The following APBB2 variants were observed in gnomAD, a reference collection of about 807,000 sequenced individuals.
APBB2 encodes Fe65-like 1.
Under a neutral mutation model 82.5 loss-of-function variants are expected in APBB2, and 38 were observed. The ratio of observed to expected loss-of-function variants is 0.46; its 90% confidence interval spans 0.36 to 0.60. APBB2 has a LOEUF of 0.60. Among genes scored for constraint, APBB2 ranks in the 20% least tolerant of loss-of-function variants. The pLI is 0.00. For missense variants in APBB2, 772 were observed against 972.3 expected (o/e 0.79, Z 2.74); for synonymous variants, 341 against 368.2 (o/e 0.93, Z 0.85).
At chr4:40,985,004 C>T (rs1215300113) in intron 6 of APBB2, among the ~76,000 whole-genome samples, 1 of 152,042 alleles carries the variant, frequency 6.6e-6, no homozygotes, top group Non-Finnish European at 1.5e-5. Context: ...TCACTGCAGC[C>T]TCAACCTCGT....
intron 6 of APBB2, among the ~76,000 whole-genome samples, chr4:40,963,540 G>A (rs1447010749): frequency 6.6e-6 from 1 of 152,188 alleles, no homozygotes; most frequent in African/African-American, 2.4e-5. Context: ...GGGCCACCGC[G>A]CCCAGCCTCT....
At chr4:41,171,371 T>C (rs749049081) in intron 1 of APBB2, among the ~76,000 whole-genome samples, 16 of 145,366 alleles carry the variant, frequency 1.1e-4, no homozygotes, top group Middle Eastern at 6.9e-3. Flanking sequence ...TTTTGTTCCA[T>C]AGCTTCCTTG....
intron 1 of APBB2, among the ~76,000 whole-genome samples, chr4:41,188,246 G>T (rs1200179620): frequency 6.6e-6 from 1 of 152,176 alleles, no homozygotes; most frequent in African/African-American, 2.4e-5. Flanking sequence ...AAAGAAAACA[G>T]GTTCCAGAGA....
intron 4 of APBB2, among the ~76,000 whole-genome samples, chr4:41,046,592 T>A (rs929158277): frequency 7.0e-6 from 1 of 142,062 alleles, no homozygotes; most frequent in Non-Finnish European, 1.6e-5. Flanking sequence ...TCTTCTCCAG[T>A]TTAAAAAAAA....
At chr4:40,926,223 G>A (rs12506307) in intron 10 of APBB2, among the ~76,000 whole-genome samples, 65,363 of 152,090 alleles carry the variant, frequency 0.43, 14,657 homozygotes, top group South Asian at 0.6. Flanking sequence ...GGCAGTATTG[G>A]TATCACCTGC....
Position 40,825,976 on chromosome 4 carries a change from G to A in APBB2, c.1733-6C>T. ...CTTTGGTGTTGGAAAATCTACTACA[G>A]GGAACAAAAGCAACACATCTTTCTC... On this transcript the variant is annotated splice_region_variant and splice_polypyrimidine_tract_variant and intron_variant, in intron 14 of 17. Transcript: ENST00000508593. The A allele has an allele frequency of 6.2e-7, 1 of 1,611,658 alleles. No individual in the cohort carries two copies. The highest frequency in any genetic ancestry group is 8.5e-7 in the Non-Finnish European group (1 of 1,177,838).
chr4:40,824,320 A>C lies in APBB2; in HGVS notation c.1817-561T>G, dbSNP rs546340836. 3.1e-4 allele frequency among the ~76,000 whole-genome samples: 47 copies of C among 152,208 alleles called. 1 individual carries two copies. In the East Asian group the frequency reaches 7.1e-3, roughly 23 times the overall value. On this transcript the variant is annotated intron_variant, in intron 15 of 17. Transcript: ENST00000508593. ...CACTGTCTCTTGATGGCACCTTTACAGTGGATCCCCCCATTGAGTAGGGCC... is the reference window on the plus strand; with the variant it reads ...CACTGTCTCTTGATGGCACCTTTACCGTGGATCCCCCCATTGAGTAGGGCC...
At chr4:40,854,993 C>T (rs1760716960) in intron 12 of APBB2, among the ~76,000 whole-genome samples, 1 of 152,126 alleles carries the variant, frequency 6.6e-6, no homozygotes. Context: ...CTGCAGGCTC[C>T]TTTGAGATCA....
intron 12 of APBB2, among the ~76,000 whole-genome samples, chr4:40,862,856 CA>C (rs34255688): frequency 0.29 from 34,302 of 118,312 alleles, 4,262 homozygotes; most frequent in Non-Finnish European, 0.35. Context: ...GACTCCATCT[CA>C]AAAAAAAAAA....
chr4:41,058,005 G>A (rs922964203), intron 4 of APBB2, among the ~76,000 whole-genome samples: 2 of 152,136 alleles, frequency 1.3e-5, no homozygotes, highest in African/African-American at 4.8e-5. Context: ...TCCTCTTCAT[G>A]TGGAGTATAG....
At chr4:41,190,411 G>A (rs559435230) in intron 1 of APBB2, among the ~76,000 whole-genome samples, 15 of 151,780 alleles carry the variant, frequency 9.9e-5, no homozygotes, top group Non-Finnish European at 1.8e-4. Flanking sequence ...CACCACACAC[G>A]GCTAATTTTT....
intron 6 of APBB2, among the ~76,000 whole-genome samples, chr4:41,004,485 G>A (rs977836868): frequency 6.6e-6 from 1 of 152,084 alleles, no homozygotes; most frequent in Non-Finnish European, 1.5e-5. Flanking sequence ...ATCACAGACT[G>A]GTTTTAATCT....
At position 41,013,895 on chromosome 4, in the gene APBB2, G is replaced by A; in HGVS notation, c.523C>T (p.Leu175=). 6.2e-7 allele frequency: 1 copy of A among 1,614,134 alleles called. No homozygotes were observed. Among genetic ancestry groups the A allele is most frequent in the Non-Finnish European group, 8.5e-7 (1 of 1,180,002 alleles). ...YADLETSARE[L]EQNRGNHHGT... ...TGGTGATTGCCTCGGTTCTGCTCTA[G>A]TTCTCTGGCTGAGGTTTCCAGATCT... The change falls in exon 6 of 18, where the codon CTA becomes TTA. Residue 175 remains leucine (L), a synonymous_variant. Coordinates refer to ENST00000508593, the MANE Select transcript of APBB2 (RefSeq NM_004307.2).
chr4:40,912,913 G>T (rs1250205011), intron 10 of APBB2, among the ~76,000 whole-genome samples: 1 of 152,194 alleles, frequency 6.6e-6, no homozygotes, highest in East Asian at 1.9e-4. Flanking sequence ...AGTGTGAGTG[G>T]TATTTTAGTT....
intron 4 of APBB2, among the ~76,000 whole-genome samples, chr4:41,055,428 G>A (rs184466380): frequency 5.9e-5 from 9 of 152,288 alleles, no homozygotes; most frequent in South Asian, 2.1e-4. Flanking sequence ...TGCCCAGCGC[G>A]GAGTAAGGGC....
chr4:41,079,622 C>T (rs1460138663), intron 3 of APBB2, among the ~76,000 whole-genome samples: 1 of 150,716 alleles, frequency 6.6e-6, no homozygotes, highest in African/African-American at 2.4e-5. Context: ...AATCTCGGCT[C>T]ACTGCAACCT....
chr4:40,941,967 A>G (rs759913591), intron 7 of APBB2, among the ~76,000 whole-genome samples: 2 of 152,142 alleles, frequency 1.3e-5, no homozygotes, highest in Non-Finnish European at 2.9e-5. Context: ...GTAAAGAGTT[A>G]AGGCATTAGG....
At chr4:40,850,772 G>C (rs548986550) in intron 12 of APBB2, among the ~76,000 whole-genome samples, 2 of 151,922 alleles carry the variant, frequency 1.3e-5, no homozygotes, top group African/African-American at 4.9e-5. Flanking sequence ...TGAGACCTCA[G>C]CTCTAAAAAA....
At chr4:41,191,134 A>G (rs1388879258) in intron 1 of APBB2, among the ~76,000 whole-genome samples, 1 of 152,226 alleles carries the variant, frequency 6.6e-6, no homozygotes, top group Non-Finnish European at 1.5e-5. Context: ...GAGAACGCTC[A>G]GACTGATAAA....
Sources: gnomAD v4.1 joint callset for allele counts (sites outside exome capture counted in the v4.1 genomes callset) on GRCh38, gnomAD v4.1.1 for gene constraint, MANE v1.5 for transcripts, NCBI Gene and HGNC (gene_info 2026-07-23, HGNC 2026-07-21) for gene names.